Variants in RNF152 observed in about 807,000 individuals in gnomAD.
RNF152 encodes ring finger protein 152.
RNF152 carries 11 observed loss-of-function variants against 12.7 expected under a neutral mutation model. The ratio of observed to expected loss-of-function variants is 0.86; its 90% CI spans 0.54 to 1.43. The LOEUF is 1.43. Ranked by LOEUF, RNF152 falls within the 40% of genes most tolerant of loss-of-function variation. The probability of loss-of-function intolerance (pLI) is 0.00; values close to 1 mark genes in which losing one functional copy is unlikely to be tolerated. For synonymous variants in RNF152, 113 were observed against 120.3 expected, an observed-to-expected ratio of 0.94 and a Z score of 0.40; for missense variants, 255 against 274.8, an observed-to-expected ratio of 0.93 and a Z score of 0.51.
intron 1 of RNF152, among the ~76,000 whole-genome samples, chr18:61,840,187 G>A (rs1910388573): frequency 6.6e-6 from 1 of 152,174 alleles, no homozygotes; most frequent in South Asian, 2.1e-4. Context: ...CAGGAAATGG[G>A]CTCTTACCAG....
chr18:61,884,171 T>C (rs1912588448), intron 1 of RNF152, among the ~76,000 whole-genome samples: 1 of 152,202 alleles, frequency 6.6e-6, no homozygotes, highest in Non-Finnish European at 1.5e-5. Context: ...AAGCACTTTA[T>C]ATGTAAGTCT....
intron 1 of RNF152, among the ~76,000 whole-genome samples, chr18:61,877,942 T>C (rs1475909330): frequency 2.0e-5 from 3 of 152,310 alleles, no homozygotes; most frequent in Middle Eastern, 6.8e-3. Flanking sequence ...TGTATTCCAA[T>C]GACACTTGGC....
At chr18:61,890,724 G>A (rs1270761350) in intron 1 of RNF152, among the ~76,000 whole-genome samples, 1 of 152,210 alleles carries the variant, frequency 6.6e-6, no homozygotes, top group Non-Finnish European at 1.5e-5. Context: ...ATCAGGAACT[G>A]AACACTACCT....
At chr18:61,872,486 A>C (rs564732646) in intron 1 of RNF152, among the ~76,000 whole-genome samples, 1 of 152,322 alleles carries the variant, frequency 6.6e-6, no homozygotes, top group South Asian at 2.1e-4. Flanking sequence ...TGTCTGGTTA[A>C]AAATTCAAAA....
At position 61,816,278 on chromosome 18, in the gene RNF152, G is replaced by A. The variant is rs148637652; in HGVS notation, c.186C>T (p.Pro62=). ...PWCRGVTKLP[P]GFSVSQLPDD... is the part of the protein sequence containing the mutation. ...CCGGGAGCTGCGACACGGAGAAGCC[G>A]GGAGGCAGCTTGGTGACACCGCGGC... Residue 62 remains proline, a synonymous_variant, in exon 2 of 2, where the codon CCC becomes CCT. Coordinates refer to ENST00000312828, the MANE Select transcript of RNF152 (RefSeq NM_173557.3). The A allele has an allele frequency of 2.0e-5, 33 of 1,614,106 alleles. No homozygotes were observed. The highest frequency in any genetic ancestry group is 3.3e-4 in the Middle Eastern group (2 of 6,084).
chr18:61,839,535 T>C (rs988893688), intron 1 of RNF152, among the ~76,000 whole-genome samples: 2 of 152,130 alleles, frequency 1.3e-5, no homozygotes, highest in Non-Finnish European at 2.9e-5. Flanking sequence ...TCCTAGCAGG[T>C]GGTTGTGTTG....
chr18:61,840,501 T>C (rs1910402034), intron 1 of RNF152, among the ~76,000 whole-genome samples: 1 of 152,158 alleles, frequency 6.6e-6, no homozygotes, highest in Admixed American at 6.5e-5. Context: ...CACATTTTAG[T>C]CTGGAAACTC....
chr18:61,831,533 G>A (rs1909944777), intron 1 of RNF152, among the ~76,000 whole-genome samples: 1 of 152,022 alleles, frequency 6.6e-6, no homozygotes, highest in Non-Finnish European at 1.5e-5. Context: ...ACTTTCTAAG[G>A]AGCCAGGAAC....
intron 1 of RNF152, among the ~76,000 whole-genome samples, chr18:61,843,765 C>A (rs894086067): frequency 6.6e-6 from 1 of 151,932 alleles, no homozygotes; most frequent in East Asian, 1.9e-4. Flanking sequence ...ATTATAAAGA[C>A]AGAAAGAATT....
Position 61,808,323 on chromosome 18 carries a change from A to C in RNF152, c.*7529T>G, listed in dbSNP as rs1356052244. On this transcript the variant is annotated 3_prime_UTR_variant, in exon 2 of 2. Transcript: ENST00000312828. ...CCCCTTTACGAAGTCAATATTTGGC[A>C]ACATTTGGACAATATTTTCTACACA... 6.7e-6 allele frequency: 1 copy of C among 148,604 alleles called. No individual in the cohort carries two copies. Among genetic ancestry groups the C allele is most frequent in the East Asian group, 2.0e-4 (1 of 5,070 alleles). 9.2% of individuals were successfully genotyped at this position (148,604 alleles called of 1,614,324 possible). A position where few individuals can be genotyped will look rare whatever the true frequency, so the allele number is the denominator to read the frequency against.
upstream of RNF152, chr18:61,894,039 T>C (rs1456900369): frequency 6.6e-6 from 1 of 151,486 alleles, no homozygotes; most frequent in East Asian, 2.0e-4. This position sits in a 1 kb window ranked among gnomAD's most constrained non-coding sequence, Gnocchi z 4.9. Flanking sequence ...CCTTTCCCGC[T>C]TCCACGGCTT....
chr18:61,882,208 C>T (rs187369890), intron 1 of RNF152, among the ~76,000 whole-genome samples: 40 of 152,216 alleles, frequency 2.6e-4, no homozygotes, highest in African/African-American at 9.4e-4. Flanking sequence ...TTACAAAATC[C>T]AAAATCCAAA....
intron 1 of RNF152, among the ~76,000 whole-genome samples, chr18:61,869,861 A>G (rs1911904669): frequency 6.6e-6 from 1 of 152,326 alleles, no homozygotes; most frequent in Admixed American, 6.5e-5. Flanking sequence ...AACTTGGCAC[A>G]ACAATGATGT....
At chr18:61,835,619 G>T (rs1201228053) in intron 1 of RNF152, among the ~76,000 whole-genome samples, 1 of 152,092 alleles carries the variant, frequency 6.6e-6, no homozygotes, top group Non-Finnish European at 1.5e-5. Flanking sequence ...AATTAAAAAG[G>T]ATAAACAAAA....
intron 1 of RNF152, among the ~76,000 whole-genome samples, chr18:61,829,887 G>A (rs1909857710): frequency 6.6e-6 from 1 of 152,060 alleles, no homozygotes; most frequent in African/African-American, 2.4e-5. Context: ...GACTTCAGGG[G>A]GGCAAGTGTA....
chr18:61,873,255 A>AT (rs1056312288), intron 1 of RNF152, among the ~76,000 whole-genome samples: 4 of 152,204 alleles, frequency 2.6e-5, no homozygotes, highest in African/African-American at 9.6e-5. Context: ...TATATTAGCA[A>AT]TTTTTTTAAC....
intron 1 of RNF152, among the ~76,000 whole-genome samples, chr18:61,884,006 GGCTAGCTT>G (rs1165155191): frequency 6.6e-6 from 1 of 152,146 alleles, no homozygotes; most frequent in Non-Finnish European, 1.5e-5. Flanking sequence ...TCACCTCCTT[GGCTAGCTT>G]AAGGGCTTCT....
chr18:61,893,945 G>A (rs186791485), upstream of RNF152, among the ~76,000 whole-genome samples: 1,334 of 139,070 alleles, frequency 9.6e-3, 10 homozygotes, highest in Middle Eastern at 0.025. Flanking sequence ...GCCAGACCCC[G>A]CGCTCCCCTC....
intron 1 of RNF152, among the ~76,000 whole-genome samples, chr18:61,834,519 A>G (rs4555248): frequency 0.28 from 42,130 of 152,016 alleles, 6,417 homozygotes; most frequent in Non-Finnish European, 0.35. Flanking sequence ...GACTCTATTG[A>G]CCTTTATTTA....
Sources: allele counts gnomAD v4.1 joint callset (sites outside exome capture counted in the v4.1 genomes callset), GRCh38; gene constraint gnomAD v4.1.1; non-coding constraint Gnocchi (gnomAD v3.1); transcripts MANE v1.5; gene names NCBI Gene and HGNC (gene_info 2026-07-23, HGNC 2026-07-21).